Variants in MYO3B observed in about 807,000 individuals in gnomAD.
The protein encoded by MYO3B is myosin-IIIb.
MYO3B carries 156 observed loss-of-function variants against 174.6 expected under a neutral mutation model. The observed-to-expected ratio is 0.89, with a 90% CI of 0.78 to 1.02. The LOEUF is 1.02. MYO3B is among the 50% of genes least tolerant of loss of function. The pLI, the probability that MYO3B is intolerant of heterozygous loss-of-function variation, is 0.00. For missense variants in MYO3B, 1,632 were observed against 1,639.4 expected, an observed-to-expected ratio of 1.00 and a Z score of 0.08; for synonymous variants, 563 against 569.1, an observed-to-expected ratio of 0.99 and a Z score of 0.15.
chr2:170,507,624 C>A (rs1687693345), intron 28 of MYO3B, among the ~76,000 whole-genome samples: 1 of 152,174 alleles, frequency 6.6e-6, no homozygotes. Flanking sequence ...AACTCCTGAC[C>A]TCAAGTGATC....
chr2:170,196,165 T>C (rs905268339), intron 1 of MYO3B, among the ~76,000 whole-genome samples: 2 of 152,186 alleles, frequency 1.3e-5, no homozygotes, highest in African/African-American at 4.8e-5. Context: ...TTTGGAAATG[T>C]TCCTCATTTT....
intron 7 of MYO3B, among the ~76,000 whole-genome samples, chr2:170,332,707 G>C (rs894780933): frequency 1.3e-5 from 2 of 152,146 alleles, no homozygotes; most frequent in African/African-American, 2.4e-5. Context: ...GTTTCCTTGT[G>C]TGGTGTTTAT....
intron 7 of MYO3B, among the ~76,000 whole-genome samples, chr2:170,317,080 AT>A (rs1487543715): frequency 1.3e-5 from 2 of 152,218 alleles, no homozygotes; most frequent in African/African-American, 4.8e-5. Context: ...ATAGGATCAA[AT>A]TAAGAAAAAC....
intron 3 of MYO3B, among the ~76,000 whole-genome samples, chr2:170,205,720 G>A (rs116497935): frequency 2.0e-5 from 3 of 151,832 alleles, no homozygotes; most frequent in Admixed American, 6.6e-5. Context: ...TCTTGATTAC[G>A]TCAATATCTT....
intron 6 of MYO3B, among the ~76,000 whole-genome samples, chr2:170,225,657 G>C (rs775415056): frequency 2.6e-5 from 4 of 152,090 alleles, no homozygotes; most frequent in African/African-American, 4.8e-5. Context: ...GCTTCAGTTT[G>C]AATAAAAAAG....
chr2:170,615,104 T>C (rs1183740908), intron 32 of MYO3B, among the ~76,000 whole-genome samples: 1 of 152,218 alleles, frequency 6.6e-6, no homozygotes, highest in Non-Finnish European at 1.5e-5. Flanking sequence ...TCCTCTGTTT[T>C]GCCCCCTGCT....
chr2:170,497,959 A>G (rs1042194625), intron 25 of MYO3B, among the ~76,000 whole-genome samples: 1 of 151,884 alleles, frequency 6.6e-6, no homozygotes, highest in Non-Finnish European at 1.5e-5. Context: ...AAAAAAAAAA[A>G]AAAAAAAAAA....
chr2:170,632,487 A>T (rs1575299852), intron 32 of MYO3B, among the ~76,000 whole-genome samples: 1 of 152,240 alleles, frequency 6.6e-6, no homozygotes, highest in Non-Finnish European at 1.5e-5. Flanking sequence ...CAGTGTGTAG[A>T]GGGAAACTTA....
At chr2:170,482,160 T>TC (rs71868489) in intron 25 of MYO3B, among the ~76,000 whole-genome samples, 6 of 90,738 alleles carry the variant, frequency 6.6e-5, no homozygotes, top group African/African-American at 1.3e-4. Flanking sequence ...GTTCTCTCTC[T>TC]TTTTTTTTTT....
chr2:170,585,642 A>C (rs1280061677), intron 32 of MYO3B, among the ~76,000 whole-genome samples: 1 of 152,168 alleles, frequency 6.6e-6, no homozygotes, highest in Admixed American at 6.5e-5. Context: ...TGTGGGCAGT[A>C]CAACAGTCCA....
At chr2:170,548,138 ATG>A (rs1690659829) in intron 32 of MYO3B, among the ~76,000 whole-genome samples, 1 of 135,952 alleles carries the variant, frequency 7.4e-6, no homozygotes, top group South Asian at 2.4e-4. Flanking sequence ...AAAAAAAAGA[ATG>A]TGAGGTTTGA....
chr2:170,480,488 T>C (rs954315158), intron 25 of MYO3B, among the ~76,000 whole-genome samples: 6 of 152,236 alleles, frequency 3.9e-5, no homozygotes, highest in African/African-American at 1.4e-4. Flanking sequence ...TCCTTTATAA[T>C]GAACTGGTAA....
At chr2:170,474,568 C>A (rs1335503832) in intron 25 of MYO3B, among the ~76,000 whole-genome samples, 1 of 150,706 alleles carries the variant, frequency 6.6e-6, no homozygotes, top group Non-Finnish European at 1.5e-5. Flanking sequence ...GAAACCCTGT[C>A]TCTACTTAAA....
At chr2:170,433,652 C>T (rs564393369) in intron 22 of MYO3B, among the ~76,000 whole-genome samples, 1 of 152,322 alleles carries the variant, frequency 6.6e-6, no homozygotes, top group South Asian at 2.1e-4. Context: ...TTATCTCAGA[C>T]ATGTAAGCAT....
chr2:170,361,855 T>G (rs1462977696), intron 8 of MYO3B, among the ~76,000 whole-genome samples: 1 of 152,198 alleles, frequency 6.6e-6, no homozygotes, highest in Non-Finnish European at 1.5e-5. Flanking sequence ...TCTCCACTTG[T>G]CCCCAGACAA....
At chr2:170,413,572 C>T (rs924991789) in intron 22 of MYO3B, among the ~76,000 whole-genome samples, 2 of 151,974 alleles carry the variant, frequency 1.3e-5, no homozygotes, top group Admixed American at 1.3e-4. Context: ...CAGGGTGCAC[C>T]CACGGTGTTG....
intron 32 of MYO3B, among the ~76,000 whole-genome samples, chr2:170,649,351 TATATA>T (rs1189781574): frequency 0.014 from 1,043 of 75,664 alleles, 200 homozygotes; most frequent in African/African-American, 0.069. Flanking sequence ...TATAAAATAA[TATATA>T]ATATATTATA....
At chr2:170,321,244 C>A (rs2093823518) in intron 7 of MYO3B, among the ~76,000 whole-genome samples, 1 of 151,944 alleles carries the variant, frequency 6.6e-6, no homozygotes, top group Non-Finnish European at 1.5e-5. Context: ...AAGCTTTCCA[C>A]CCAAGAAATT....
intron 32 of MYO3B, among the ~76,000 whole-genome samples, chr2:170,605,174 G>T (rs958334914): frequency 6.6e-6 from 1 of 152,088 alleles, no homozygotes; most frequent in African/African-American, 2.4e-5. Flanking sequence ...CATTTGACAA[G>T]GCTGACCCAT....
Sources: gnomAD v4.1 joint callset for allele counts (sites outside exome capture counted in the v4.1 genomes callset) on GRCh38, gnomAD v4.1.1 for gene constraint, MANE v1.5 for transcripts, NCBI Gene and HGNC (gene_info 2026-07-23, HGNC 2026-07-21) for gene names.